CHST11: variants seen among roughly 807,000 people sequenced by gnomAD.
The protein encoded by CHST11 is carbohydrate sulfotransferase 11, also known as C4S-1.
A neutral mutation model predicts 30.4 loss-of-function variants in CHST11; 9 were observed. That is an observed-to-expected ratio of 0.30 (90% CI 0.18 to 0.52). The LOEUF (loss-of-function observed/expected upper bound fraction) is 0.52, where lower values mean the gene tolerates loss of function less well. CHST11 is among the 20% of genes least tolerant of loss of function. The probability of loss-of-function intolerance (pLI) is 0.97; values close to 1 mark genes in which losing one functional copy is unlikely to be tolerated. For missense variants in CHST11, 348 were observed against 460.6 expected, an observed-to-expected ratio of 0.76 and a Z score of 2.24; for synonymous variants, 152 against 187.8, an observed-to-expected ratio of 0.81 and a Z score of 1.56.
intron 1 of CHST11, among the ~76,000 whole-genome samples, chr12:104,597,877 T>C (rs982470905): frequency 6.6e-6 from 1 of 152,104 alleles, no homozygotes; most frequent in African/African-American, 2.4e-5. Context: ...AGTGAAGAGG[T>C]GACCCAGTGT....
In CHST11 at chr12:104,737,003, A is replaced by T. The variant is rs112941450; in HGVS notation, c.205-19946A>T. Among the ~76,000 whole-genome samples the T allele has an allele frequency of 2.4e-4, 37 of 152,354 alleles. 1 individual carries two copies. Among genetic ancestry groups the T allele is most frequent in the African/African-American group, 6.0e-4 (25 of 41,584 alleles). Reference sequence around the variant, plus strand: ...TACACAACTGAGACCAGGAGTATCTATGAGAATAAAATGTGACTTTCCTTT... The same window carrying T: ...TACACAACTGAGACCAGGAGTATCTTTGAGAATAAAATGTGACTTTCCTTT... On this transcript the variant is annotated intron_variant, in intron 2 of 2. Transcript: ENST00000303694.
intron 2 of CHST11, among the ~76,000 whole-genome samples, chr12:104,679,414 G>A (rs1040428701): frequency 1.3e-5 from 2 of 152,068 alleles, no homozygotes; most frequent in African/African-American, 4.8e-5. Context: ...TTCAGGCCCC[G>A]GAGCCTCCGC....
intron 2 of CHST11, among the ~76,000 whole-genome samples, chr12:104,662,122 G>C (rs2039603959): frequency 6.6e-6 from 1 of 152,118 alleles, no homozygotes; most frequent in African/African-American, 2.4e-5. Context: ...AAGGCACCTG[G>C]CACATAGTAG....
At chr12:104,505,507 G>A (rs552411750) in intron 1 of CHST11, among the ~76,000 whole-genome samples, 22 of 152,284 alleles carry the variant, frequency 1.4e-4, no homozygotes, top group African/African-American at 4.8e-4. Context: ...TTATGTTGAC[G>A]CTGCCTGTCT....
At chr12:104,747,221 C>T (rs1213748477) in intron 2 of CHST11, among the ~76,000 whole-genome samples, 3 of 152,222 alleles carry the variant, frequency 2.0e-5, no homozygotes, top group Non-Finnish European at 4.4e-5. Context: ...CGATAACTCC[C>T]GGGTGGGTCT....
At chr12:104,724,801 C>T (rs377357812) in intron 2 of CHST11, among the ~76,000 whole-genome samples, 39 of 152,252 alleles carry the variant, frequency 2.6e-4, no homozygotes, top group African/African-American at 9.1e-4. Flanking sequence ...CTGTTAAATA[C>T]AAGAACACCC....
chr12:104,658,032 C>T (rs992732613), intron 2 of CHST11, among the ~76,000 whole-genome samples: 4 of 152,122 alleles, frequency 2.6e-5, no homozygotes, highest in Admixed American at 6.5e-5. Flanking sequence ...GCAACAGACC[C>T]GCCGAGGCCA....
chr12:104,565,301 C>G (rs2038552311), intron 1 of CHST11, among the ~76,000 whole-genome samples: 1 of 109,286 alleles, frequency 9.2e-6, no homozygotes, highest in Admixed American at 1.4e-4. Flanking sequence ...GTGTCTCATT[C>G]TGTTGCTCAG....
At chr12:104,507,087 A>G (rs56192201) in intron 1 of CHST11, among the ~76,000 whole-genome samples, 13,633 of 152,168 alleles carry the variant, frequency 0.09, 1,102 homozygotes, top group African/African-American at 0.22. Flanking sequence ...CCCAGAAGGC[A>G]TCTTTGGAGG....
At chr12:104,562,874 G>A (rs2038526875) in intron 1 of CHST11, among the ~76,000 whole-genome samples, 2 of 152,144 alleles carry the variant, frequency 1.3e-5, no homozygotes. Context: ...TCTGCCTCTT[G>A]GCACCTTCTC....
At chr12:104,503,709 T>C (rs767563535) in intron 1 of CHST11, among the ~76,000 whole-genome samples, 12 of 152,108 alleles carry the variant, frequency 7.9e-5, no homozygotes, top group African/African-American at 1.2e-4. Flanking sequence ...CTGATTATGA[T>C]GGTGCTTCCT....
rs1239193117 is a variant in CHST11 at position 104,729,075 on chromosome 12, G to A, written c.205-27874G>A. The stretch of plus-strand genomic sequence containing the variant: ...AGGGGAATTTTATTTTCGTGTTATT[G>A]TTTTCCTCTAATTATTACCATTAGT... On this transcript the variant is annotated intron_variant, in intron 2 of 2. Coordinates refer to ENST00000303694, the MANE Select transcript of CHST11 (RefSeq NM_018413.6). This position sits in a 1 kb window ranked among gnomAD's most constrained non-coding sequence, Gnocchi z 4.0. 6.6e-6 allele frequency among the ~76,000 whole-genome samples: 1 copy of A among 152,128 alleles called. No homozygotes were observed. Among genetic ancestry groups the A allele is most frequent in the Non-Finnish European group, 1.5e-5 (1 of 68,010 alleles).
intron 1 of CHST11, among the ~76,000 whole-genome samples, chr12:104,503,511 A>C (rs1405337456): frequency 6.6e-6 from 1 of 152,252 alleles, no homozygotes; most frequent in Non-Finnish European, 1.5e-5. Flanking sequence ...ATAAAAGAGC[A>C]AATCCATGTA....
chr12:104,751,394 G>T (rs2468109), intron 2 of CHST11, among the ~76,000 whole-genome samples: 105,917 of 152,068 alleles, frequency 0.7, 37,033 homozygotes, highest in Middle Eastern at 0.75. Context: ...ACACAGGTTT[G>T]GTTTTGTTTA....
intron 2 of CHST11, among the ~76,000 whole-genome samples, chr12:104,753,854 G>A (rs1476924822): frequency 6.6e-6 from 1 of 152,170 alleles, no homozygotes; most frequent in African/African-American, 2.4e-5. Flanking sequence ...TTCAGGCCAC[G>A]GAGTACACAC....
At chr12:104,675,272 T>C (rs1357217039) in intron 2 of CHST11, among the ~76,000 whole-genome samples, 1 of 152,248 alleles carries the variant, frequency 6.6e-6, no homozygotes, top group Non-Finnish European at 1.5e-5. Context: ...ATTAAGGACC[T>C]ATAATTGACA....
At chr12:104,712,786 C>T (rs2040097959) in intron 2 of CHST11, among the ~76,000 whole-genome samples, 1 of 152,118 alleles carries the variant, frequency 6.6e-6, no homozygotes, top group Non-Finnish European at 1.5e-5. Context: ...GCCCTTTTCT[C>T]CTGGGCTGAA....
chr12:104,512,617 A>G (rs1342062439), intron 1 of CHST11, among the ~76,000 whole-genome samples: 1 of 152,210 alleles, frequency 6.6e-6, no homozygotes, highest in East Asian at 1.9e-4. Context: ...GGTCATCAAT[A>G]TAGGCTATTA....
At chr12:104,753,038 T>C (rs577782054) in intron 2 of CHST11, among the ~76,000 whole-genome samples, 1 of 152,360 alleles carries the variant, frequency 6.6e-6, no homozygotes, top group South Asian at 2.1e-4. Context: ...AGACACTTCA[T>C]GCCAGAATGG....
Sources: allele counts gnomAD v4.1 joint callset (sites outside exome capture counted in the v4.1 genomes callset), GRCh38; gene constraint gnomAD v4.1.1; non-coding constraint Gnocchi (gnomAD v3.1); transcripts MANE v1.5; gene names NCBI Gene and HGNC (gene_info 2026-07-23, HGNC 2026-07-21).